MPZL1: variants seen among roughly 807,000 people sequenced by gnomAD.
MPZL1 encodes the protein myelin protein zero-like protein 1.
In MPZL1, 16 loss-of-function variants were observed where a neutral mutation model predicts 29.3. The observed-to-expected ratio is 0.55, with a 90% CI of 0.37 to 0.83. The LOEUF (loss-of-function observed/expected upper bound fraction) is 0.83. Among genes scored for constraint, MPZL1 ranks in the 40% least tolerant of loss-of-function variants. The pLI is 0.00. For synonymous variants in MPZL1, 143 were observed against 132.0 expected (o/e 1.08, Z -0.57); for missense variants, 279 against 332.9 (o/e 0.84, Z 1.26).
chr1:167,765,374 A>G (rs867094246), intron 1 of MPZL1: 4 of 325,310 alleles, frequency 1.2e-5, no homozygotes, highest in African/African-American at 8.6e-5. Flanking sequence ...ACTAAAAAGC[A>G]ATACAAACCT....
intron 3 of MPZL1, 96 bp from the exon 4 acceptor site, chr1:167,773,140 C>CT: frequency 7.6e-7 from 1 of 1,315,102 alleles, no homozygotes; most frequent in East Asian, 2.3e-5. Flanking sequence ...GGTACGGTAA[C>CT]TGCTAAATGA....
intron 5 of MPZL1, among the ~76,000 whole-genome samples, chr1:167,776,429 T>C (rs1013080832): frequency 2.6e-5 from 4 of 152,190 alleles, no homozygotes; most frequent in African/African-American, 9.7e-5. Context: ...TGTAGCTTCC[T>C]TGCCTCAAGC....
intron 2 of MPZL1, among the ~76,000 whole-genome samples, chr1:167,768,553 A>G (rs1661169468): frequency 6.6e-6 from 1 of 152,162 alleles, no homozygotes; most frequent in African/African-American, 2.4e-5. Context: ...TAGCTTTAGC[A>G]CCATGGCTTG....
At chr1:167,774,428 T>G (rs1661321388) in intron 4 of MPZL1, 1 of 152,546 alleles carries the variant, frequency 6.6e-6, no homozygotes, top group African/African-American at 2.4e-5. Context: ...TGATCTAGAG[T>G]TTTTAGGAGT....
rs1165663284 is a variant in MPZL1 at position 167,791,547 on chromosome 1, T to G, written c.*3626T>G. ...ATTGTACTAATCTTAATCCCATTGT[T>G]TGAAAGATTATATGGCTTACCCAGG... On this transcript the variant is annotated 3_prime_UTR_variant, in exon 6 of 6. Transcript: ENST00000359523. 1 of 152,242 alleles carries G rather than the reference T, an allele frequency of 6.6e-6. No homozygotes were observed. Among genetic ancestry groups the G allele is most frequent in the Admixed American group, 6.5e-5 (1 of 15,290 alleles). The allele number at this position is 152,242 out of a possible 1,614,324, so 9.4% of individuals were successfully genotyped here.
At chr1:167,736,216 GC>G (rs1660374723) in intron 1 of MPZL1, among the ~76,000 whole-genome samples, 1 of 152,040 alleles carries the variant, frequency 6.6e-6, no homozygotes, top group African/African-American at 2.4e-5. Flanking sequence ...TTTTCCTTAG[GC>G]AGGTTCTGCT....
At chr1:167,754,067 C>T (rs544463677) in intron 1 of MPZL1, among the ~76,000 whole-genome samples, 3 of 152,054 alleles carry the variant, frequency 2.0e-5, no homozygotes, top group African/African-American at 4.8e-5. Flanking sequence ...GCGTGATCTC[C>T]GTTCGCTGCA....
intron 1 of MPZL1, 106 bp from the exon 2 acceptor site, chr1:167,765,477 T>TGGTATG (rs1382599336): frequency 3.6e-5 from 31 of 857,422 alleles, no homozygotes; most frequent in Admixed American, 6.3e-5. Flanking sequence ...AGTGAATTAC[T>TGGTATG]GTATATATCT....
intron 1 of MPZL1, among the ~76,000 whole-genome samples, chr1:167,755,231 T>C (rs1027680702): frequency 2.0e-5 from 3 of 152,218 alleles, no homozygotes; most frequent in African/African-American, 2.4e-5. Flanking sequence ...TATATTCTTA[T>C]TGCCATCGAC....
At chr1:167,773,885 C>G (rs1284414022) in intron 4 of MPZL1, 2 of 149,588 alleles carry the variant, frequency 1.3e-5, no homozygotes, top group Non-Finnish European at 1.5e-5. Flanking sequence ...TAGCAAGATC[C>G]TGTCTCTTTA....
In MPZL1 at chr1:167,746,637, T is replaced by A. The variant is rs371006258; in HGVS notation, c.92-18946T>A. Among the ~76,000 whole-genome samples the A allele has an allele frequency of 8.5e-5, 13 of 152,322 alleles. No homozygotes were observed. The East Asian group carries it at 2.5e-3, about 29-fold the overall frequency. Reference sequence around the variant, plus strand: ...TGAATGGAGTTGGGGTTCAGTGGCCTGTTTTAGAAGCCTGTTTGTGGGCAA... The same window carrying A: ...TGAATGGAGTTGGGGTTCAGTGGCCAGTTTTAGAAGCCTGTTTGTGGGCAA... On this transcript the variant is annotated intron_variant, in intron 1 of 5. Transcript: ENST00000359523.
chr1:167,773,596 G>T, intron 4 of MPZL1: 1 of 442,750 alleles, frequency 2.3e-6, no homozygotes, highest in Non-Finnish European at 3.9e-6. Flanking sequence ...TTCCTTCTTA[G>T]GTTTGGTGAG....
At chr1:167,756,472 A>G (rs1294839113) in intron 1 of MPZL1, among the ~76,000 whole-genome samples, 1 of 149,484 alleles carries the variant, frequency 6.7e-6, no homozygotes, top group African/African-American at 2.5e-5. Flanking sequence ...AAATATTTCA[A>G]AAGGTGAGTC....
intron 2 of MPZL1, among the ~76,000 whole-genome samples, chr1:167,770,844 G>C (rs915033236): frequency 3.3e-5 from 5 of 152,040 alleles, no homozygotes; most frequent in Non-Finnish European, 7.4e-5. Flanking sequence ...TAAAATTATG[G>C]GTGGTAATAA....
chr1:167,737,129 T>C (rs1335202560), intron 1 of MPZL1, among the ~76,000 whole-genome samples: 1 of 152,222 alleles, frequency 6.6e-6, no homozygotes, highest in Non-Finnish European at 1.5e-5. Context: ...AATTATGTTT[T>C]TATATGATTG....
chr1:167,739,290 T>TATATAC (rs1553254300), intron 1 of MPZL1, among the ~76,000 whole-genome samples: 24 of 92,736 alleles, frequency 2.6e-4, no homozygotes, highest in African/African-American at 1.3e-3. Context: ...TACATATATA[T>TATATAC]ATATATATAT....
At chr1:167,782,566 T>TA (rs1039396961) in intron 5 of MPZL1, among the ~76,000 whole-genome samples, 13 of 152,164 alleles carry the variant, frequency 8.5e-5, no homozygotes, top group African/African-American at 2.7e-4. Flanking sequence ...GCACAGGAGG[T>TA]AAAAAAATTT....
At chr1:167,769,903 A>G (rs1365283876) in intron 2 of MPZL1, among the ~76,000 whole-genome samples, 1 of 152,224 alleles carries the variant, frequency 6.6e-6, no homozygotes, top group Non-Finnish European at 1.5e-5. Flanking sequence ...CTAATGAGAC[A>G]TTGACAATAT....
At chr1:167,749,418 A>G (rs1238734804) in intron 1 of MPZL1, among the ~76,000 whole-genome samples, 1 of 152,234 alleles carries the variant, frequency 6.6e-6, no homozygotes, top group African/African-American at 2.4e-5. Flanking sequence ...TCCAGAGATT[A>G]TGAAACATAT....
Sources: allele counts gnomAD v4.1 joint callset (sites outside exome capture counted in the v4.1 genomes callset), GRCh38; gene constraint gnomAD v4.1.1; transcripts MANE v1.5; gene names NCBI Gene and HGNC (gene_info 2026-07-23, HGNC 2026-07-21).